PDCD4: variants seen among roughly 807,000 people sequenced by gnomAD.
The protein encoded by PDCD4 is programmed cell death protein 4.
PDCD4 carries 56 observed loss-of-function variants against 54.0 expected under a neutral mutation model. The ratio of observed to expected loss-of-function variants is 1.04; its 90% CI spans 0.84 to 1.30. The LOEUF (loss-of-function observed/expected upper bound fraction) is 1.30. PDCD4 is among the 50% of genes most tolerant of loss of function. The pLI, the probability that PDCD4 is intolerant of heterozygous loss-of-function variation, is 0.00. For missense variants in PDCD4, 584 were observed against 559.8 expected, an observed-to-expected ratio of 1.04 and a Z score of -0.44; for synonymous variants, 186 against 194.8, an observed-to-expected ratio of 0.95 and a Z score of 0.37.
Position 110,887,783 on chromosome 10 carries a change from A to G in PDCD4, c.674A>G (p.Asp225Gly), listed in dbSNP as rs770073462. Residue 225 changes from aspartate to glycine, a missense_variant, in exon 6 of 12, where the codon GAC becomes GGC. Coordinates refer to ENST00000280154, the MANE Select transcript of PDCD4 (RefSeq NM_014456.5). ...HREMTSKLLS[D>G]LCGTVMSTTD... ...GAGATGACATCTAAGCTTCTTTCTGACCTTTGTGGGACAGTAATGAGCACA... is the reference window on the plus strand; with the variant it reads ...GAGATGACATCTAAGCTTCTTTCTGGCCTTTGTGGGACAGTAATGAGCACA... The G allele has an allele frequency of 6.2e-7, 1 of 1,613,486 alleles. No individual in the cohort carries two copies. The highest frequency in any genetic ancestry group is 8.5e-7 in the Non-Finnish European group (1 of 1,179,472).
At chr10:110,889,771 AGACTATTGGCATG>A in intron 7 of PDCD4, 141 bp downstream of exon 7, 1 of 621,040 alleles carries the variant, frequency 1.6e-6, no homozygotes, top group Non-Finnish European at 2.8e-6. Flanking sequence ...TAAAATGGAG[AGACTATTGGCATG>A]ATATACCAGG....
chr10:110,881,483 G>T lies in PDCD4; in HGVS notation c.294G>T (p.Arg98Ser), dbSNP rs781757524. 3 of 1,614,028 alleles carry T rather than the reference G, an allele frequency of 1.9e-6. No homozygotes were observed. The highest frequency in any genetic ancestry group is 2.5e-6 in the Non-Finnish European group (3 of 1,179,900). The change falls in exon 3 of 12, where the codon AGG (arginine) becomes AGT (serine). Residue 98 changes from arginine to serine, a missense_variant. Transcript: ENST00000280154. ...CTGTGCCAACCAGTCCAAAGGGAAG[G>T]TTGCTGGATAGGCGATCCAGATCTG... ...GLTVPTSPKGRLLDRRSRSGK... is the reference protein window; with the variant it reads ...GLTVPTSPKGSLLDRRSRSGK...
At chr10:110,879,403 A>C (rs1374293428) in intron 2 of PDCD4, among the ~76,000 whole-genome samples, 3 of 152,174 alleles carry the variant, frequency 2.0e-5, no homozygotes, top group African/African-American at 7.2e-5. Context: ...GCGGTGGCTC[A>C]CGCCTGTAAT....
At chr10:110,888,507 C>T (rs1340820986) in intron 6 of PDCD4, among the ~76,000 whole-genome samples, 2 of 152,128 alleles carry the variant, frequency 1.3e-5, no homozygotes, top group African/African-American at 4.8e-5. Flanking sequence ...AAAATGATTA[C>T]ATAAGTTTAT....
intron 1 of PDCD4, 128 bp downstream of exon 1, chr10:110,872,146 C>T (rs933162129): frequency 6.6e-6 from 1 of 152,318 alleles, no homozygotes; most frequent in Non-Finnish European, 1.5e-5. Context: ...CCTGTCAGGT[C>T]CGGGCCTGCG....
chr10:110,876,668 A>C, intron 2 of PDCD4: 1 of 1,033,854 alleles, frequency 9.7e-7, no homozygotes, highest in South Asian at 3.0e-5. Context: ...TAAATTACCT[A>C]GGGTATTTTC....
rs1845892952 is a variant in PDCD4 at position 110,898,770 on chromosome 10, G to C, written c.*682G>C. ...TCTTTATTGGGAGTACATTTTTTTA[G>C]GTCTCTTAAACTTTAATTTCACACA... is the stretch of plus-strand genomic sequence containing the variant. On this transcript the variant is annotated 3_prime_UTR_variant, in exon 12 of 12. Coordinates refer to ENST00000280154, the MANE Select transcript of PDCD4 (RefSeq NM_014456.5). 1 of 152,436 alleles carries C rather than the reference G, an allele frequency of 6.6e-6. No homozygotes were observed. Among genetic ancestry groups the C allele is most frequent in the South Asian group, 2.1e-4 (1 of 4,818 alleles). The allele number at this position is 152,436 out of a possible 1,614,324, so 9.4% of individuals were successfully genotyped here. A position where few individuals can be genotyped will look rare whatever the true frequency, so the allele number is the denominator to read the frequency against.
At chr10:110,878,618 C>T (rs183718579) in intron 2 of PDCD4, among the ~76,000 whole-genome samples, 2 of 152,250 alleles carry the variant, frequency 1.3e-5, no homozygotes, top group East Asian at 3.9e-4. Context: ...CGCCCTTGTT[C>T]GTCTCTTTAG....
chr10:110,877,563 A>G (rs1000901967), intron 2 of PDCD4, among the ~76,000 whole-genome samples: 3 of 152,146 alleles, frequency 2.0e-5, no homozygotes, highest in African/African-American at 4.8e-5. Context: ...AATTTCTTAT[A>G]TGGCTTGCAT....
intron 4 of PDCD4, among the ~76,000 whole-genome samples, chr10:110,883,594 C>T (rs1019113727): frequency 6.6e-6 from 1 of 152,058 alleles, no homozygotes; most frequent in East Asian, 1.9e-4. Context: ...GTACTCCTCT[C>T]TTAGCTTTAC....
intron 1 of PDCD4, among the ~76,000 whole-genome samples, chr10:110,873,708 C>A (rs1885787): frequency 6.6e-6 from 1 of 152,154 alleles, no homozygotes; most frequent in African/African-American, 2.4e-5. Context: ...AAAAATCCTA[C>A]TACTTTAAAG....
At chr10:110,872,517 G>T (rs1423502445) in intron 1 of PDCD4, among the ~76,000 whole-genome samples, 1 of 152,078 alleles carries the variant, frequency 6.6e-6, no homozygotes, top group Non-Finnish European at 1.5e-5. Flanking sequence ...TGAACCCGGA[G>T]CCCCGGCCTC....
In PDCD4 at chr10:110,881,249, T is replaced by A; in HGVS notation, c.60T>A (p.Ser20Arg). 6.2e-7 allele frequency: 1 copy of A among 1,611,934 alleles called. No individual in the cohort carries two copies. The change falls in exon 3 of 12, where the codon AGT becomes AGA. Residue 20 changes from serine (S) to arginine (R), a missense_variant. By Grantham distance (110) the Ser-to-Arg change is moderately radical. Coordinates refer to ENST00000280154, the MANE Select transcript of PDCD4 (RefSeq NM_014456.5). ...CTCTTTAAGATCCTGATAACTTAAG[T>A]GACTCTCTCTTTTCCGGTGATGAAG... is the stretch of plus-strand genomic sequence containing the variant. ...NVNPADPDNL[S>R]DSLFSGDEEN...
rs1845799514 is a variant in PDCD4, at chr10:110,894,392, C to T, written c.1099-20C>T. 7.9e-7 allele frequency: 1 copy of T among 1,269,906 alleles called. No homozygotes were observed. The highest frequency in any genetic ancestry group is 1.9e-4 in the Middle Eastern group (1 of 5,308). The allele number at this position is 1,269,906 out of a possible 1,614,324, so 78.7% of individuals were successfully genotyped here. ...CATATATGAATTAACCAAAAATTCA[C>T]TCATTGATTCAATTTTTAGGCTATT... On this transcript the variant is annotated intron_variant, in intron 9 of 11. Transcript: ENST00000280154.
chr10:110,878,474 A>G (rs1405252373), intron 2 of PDCD4, among the ~76,000 whole-genome samples: 2 of 152,206 alleles, frequency 1.3e-5, no homozygotes, highest in African/African-American at 4.8e-5. Context: ...TGATGAAAGC[A>G]CTATGTTACA....
At chr10:110,890,809 T>C (rs1407071827) in intron 8 of PDCD4, 139 bp downstream of exon 8, 1 of 458,222 alleles carries the variant, frequency 2.2e-6, no homozygotes, top group Non-Finnish European at 3.9e-6. Flanking sequence ...AATAATTTTT[T>C]TAATATGTGG....
chr10:110,890,321 T>G (rs916903705), intron 7 of PDCD4, among the ~76,000 whole-genome samples: 6 of 149,708 alleles, frequency 4.0e-5, no homozygotes, highest in African/African-American at 1.2e-4. Context: ...ATCAGTTATT[T>G]TGTAATGTGT....
At position 110,898,470 on chromosome 10, in the gene PDCD4, G is replaced by A. The variant is rs1845885262; in HGVS notation, c.*382G>A. ...GTTTATACAAAGCTTTATTTAGGGGGTAAAGTTAAGCTGCTAAAACCCCAT... is the reference window on the plus strand; with the variant it reads ...GTTTATACAAAGCTTTATTTAGGGGATAAAGTTAAGCTGCTAAAACCCCAT... On this transcript the variant is annotated 3_prime_UTR_variant, in exon 12 of 12. Coordinates refer to ENST00000280154, the MANE Select transcript of PDCD4 (RefSeq NM_014456.5). 1 of 157,066 alleles carries A rather than the reference G, an allele frequency of 6.4e-6. No homozygotes were observed. Among genetic ancestry groups the A allele is most frequent in the Non-Finnish European group, 1.4e-5 (1 of 71,192 alleles). The allele number at this position is 157,066 out of a possible 1,614,324, so 9.7% of individuals were successfully genotyped here. A position where few individuals can be genotyped will look rare whatever the true frequency, so the allele number is the denominator to read the frequency against.
chr10:110,872,830 T>G (rs1845441411), intron 1 of PDCD4, among the ~76,000 whole-genome samples: 1 of 152,154 alleles, frequency 6.6e-6, no homozygotes, highest in Non-Finnish European at 1.5e-5. Flanking sequence ...CATTTGTCAG[T>G]TTGATGCTGT....
Sources: allele counts gnomAD v4.1 joint callset (sites outside exome capture counted in the v4.1 genomes callset), GRCh38; gene constraint gnomAD v4.1.1; transcripts MANE v1.5; gene names NCBI Gene and HGNC (gene_info 2026-07-23, HGNC 2026-07-21).